Variants in STK17A observed in about 807,000 individuals in gnomAD.
STK17A encodes serine/threonine kinase 17a, also known as serine/threonine-protein kinase 17A.
In STK17A, 26 loss-of-function variants were observed where a neutral mutation model predicts 43.7. The ratio of observed to expected loss-of-function variants is 0.60; its 90% CI spans 0.44 to 0.83. The LOEUF (loss-of-function observed/expected upper bound fraction) is 0.83. STK17A is among the 40% of genes least tolerant of loss of function. The pLI is 0.00. For synonymous variants in STK17A, 191 were observed against 182.5 expected, an observed-to-expected ratio of 1.05 and a Z score of -0.38; for missense variants, 476 against 511.6, an observed-to-expected ratio of 0.93 and a Z score of 0.67.
chr7:43,605,775 A>G (rs1279664307), intron 2 of STK17A, among the ~76,000 whole-genome samples: 2 of 151,990 alleles, frequency 1.3e-5, no homozygotes, highest in Non-Finnish European at 2.9e-5. Context: ...TGTTGTTCTA[A>G]TGCCTGAAAT....
At chr7:43,600,010 C>T (rs2082544822) in intron 2 of STK17A, among the ~76,000 whole-genome samples, 1 of 152,184 alleles carries the variant, frequency 6.6e-6, no homozygotes, top group South Asian at 2.1e-4. Context: ...TGCCTGCCAA[C>T]ACTGAAGGCA....
At chr7:43,619,561 T>C (rs1466252547) in intron 3 of STK17A, 36 bp from the exon 4 acceptor site, 3 of 1,606,048 alleles carry the variant, frequency 1.9e-6, no homozygotes, top group East Asian at 4.5e-5. Context: ...TTAATCATAG[T>C]TATATTGATT....
At position 43,607,662 on chromosome 7, in the gene STK17A, A is replaced by AG. The variant is rs1257221780; in HGVS notation, c.420-594_420-593insG. Among the ~76,000 whole-genome samples, 24 of 151,674 alleles carry AG rather than the reference A, an allele frequency of 1.6e-4. 1 individual carries two copies. The highest frequency in any genetic ancestry group is 4.3e-4 in the African/African-American group (18 of 41,420). The stretch of plus-strand genomic sequence containing the variant: ...GACTCCGTCTCAAAAAAAAAAAAAA[A>AG]AAAAAAAGCAAGAATGGGTAACTTT... On this transcript the variant is annotated intron_variant, in intron 2 of 6. Coordinates refer to ENST00000319357, the MANE Select transcript of STK17A (RefSeq NM_004760.3).
At chr7:43,620,615 A>G (rs1242867783) in intron 4 of STK17A, among the ~76,000 whole-genome samples, 1 of 151,712 alleles carries the variant, frequency 6.6e-6, no homozygotes, top group Non-Finnish European at 1.5e-5. Flanking sequence ...CGGAGCTTGC[A>G]GTGAGCCAAG....
intron 2 of STK17A, among the ~76,000 whole-genome samples, chr7:43,596,433 C>T (rs1444014766): frequency 6.6e-6 from 1 of 152,176 alleles, no homozygotes; most frequent in African/African-American, 2.4e-5. Context: ...ATAATCCTTA[C>T]ATGTTCTTAT....
rs1311991240 is a variant in STK17A at position 43,612,024 on chromosome 7, A to G, written c.564+3624A>G. On this transcript the variant is annotated intron_variant, in intron 3 of 6. Coordinates refer to ENST00000319357, the MANE Select transcript of STK17A (RefSeq NM_004760.3). ...TCTTGAATACCAACTTTAAGTGTGT[A>G]TTTACACAAGGAAATTATATCCCTT... Among the ~76,000 whole-genome samples the G allele has an allele frequency of 2.0e-5, 3 of 152,226 alleles. No homozygotes were observed. The East Asian group carries it at 5.8e-4, about 29-fold the overall frequency.
intron 2 of STK17A, among the ~76,000 whole-genome samples, chr7:43,599,467 A>G (rs1247118488): frequency 6.6e-6 from 1 of 152,238 alleles, no homozygotes; most frequent in Non-Finnish European, 1.5e-5. Flanking sequence ...ACCAATAATA[A>G]TTAGCTTTTA....
At chr7:43,607,492 C>CAAA (rs2082611802) in intron 2 of STK17A, among the ~76,000 whole-genome samples, 1 of 151,102 alleles carries the variant, frequency 6.6e-6, no homozygotes, top group African/African-American at 2.4e-5. Flanking sequence ...TACTAAAATA[C>CAAA]AAAAAAATTA....
chr7:43,624,712 T>G lies in STK17A; in HGVS notation c.1115T>G (p.Val372Gly), dbSNP rs1428129528. The change falls in exon 7 of 7, where the codon GTA becomes GGA. Residue 372 changes from valine (V) to glycine (G), a missense_variant. Coordinates refer to ENST00000319357, the MANE Select transcript of STK17A (RefSeq NM_004760.3). ...KESIVTEELI[V>G]VTSYTLGQCR... ...TCCATTGTAACCGAAGAGTTAATTG[T>G]AGTTACTTCATATACTCTAGGACAA... 1.9e-6 allele frequency: 3 copies of G among 1,613,982 alleles called. No homozygotes were observed. The highest frequency in any genetic ancestry group is 2.5e-6 in the Non-Finnish European group (3 of 1,179,986).
intron 2 of STK17A, among the ~76,000 whole-genome samples, chr7:43,598,482 A>G (rs2082535151): frequency 6.6e-6 from 1 of 151,852 alleles, no homozygotes; most frequent in Non-Finnish European, 1.5e-5. Context: ...AAAAAAAAAA[A>G]AAAAAGGAAA....
At chr7:43,592,861 G>A (rs2082489292) in intron 1 of STK17A, among the ~76,000 whole-genome samples, 1 of 152,094 alleles carries the variant, frequency 6.6e-6, no homozygotes, top group African/African-American at 2.4e-5. Flanking sequence ...ACGAGACTGT[G>A]TCTCAAAAAC....
At chr7:43,601,916 C>T (rs1336290166) in intron 2 of STK17A, among the ~76,000 whole-genome samples, 1 of 152,132 alleles carries the variant, frequency 6.6e-6, no homozygotes, top group Non-Finnish European at 1.5e-5. Context: ...CCCCCACCCC[C>T]TGAGCTAATC....
chr7:43,595,205 G>T (rs2082506445), intron 1 of STK17A, among the ~76,000 whole-genome samples: 1 of 150,848 alleles, frequency 6.6e-6, no homozygotes, highest in Admixed American at 6.6e-5. Flanking sequence ...GAGTCAATTA[G>T]TGCAGTGAAA....
Position 43,583,172 on chromosome 7 carries a change from C to T in STK17A, c.-72C>T, listed in dbSNP as rs952950399. On this transcript the variant is annotated 5_prime_UTR_variant, in exon 1 of 7. Transcript: ENST00000319357. ...GGCTCCGCGGACCGGCACTAGGAGC[C>T]GGGGGCGGGTCCGTGACCCTCCGGC... The T allele has an allele frequency of 1.5e-5, 23 of 1,497,578 alleles. No individual in the cohort carries two copies. The highest frequency in any genetic ancestry group is 2.1e-5 in the Admixed American group (1 of 47,642). The allele number at this position is 1,497,578 out of a possible 1,614,324, so 92.8% of individuals were successfully genotyped here.
rs949845723 is a variant in STK17A at position 43,626,628 on chromosome 7, TTA to T, written c.*1788_*1789del. ...GTTAAACACAGTATTAGGCAAATAT[TTA>T]TCTCTCTGAAAAAATAGGGAGGAGG... On this transcript the variant is annotated 3_prime_UTR_variant, in exon 7 of 7. Transcript: ENST00000319357. The T allele has an allele frequency of 6.6e-6, 1 of 152,128 alleles. No individual in the cohort carries two copies. The highest frequency in any genetic ancestry group is 2.4e-5 in the African/African-American group (1 of 41,418). 9.4% of individuals were successfully genotyped at this position (152,128 alleles called of 1,614,324 possible).
At chr7:43,619,758 C>A (rs2153006314) in intron 4 of STK17A, 35 bp downstream of exon 4, 1 of 1,605,010 alleles carries the variant, frequency 6.2e-7, no homozygotes, top group South Asian at 1.1e-5. Context: ...GTTCTGGGGT[C>A]AGGCATCACC....
chr7:43,624,497 G>T, intron 6 of STK17A, 21 bp from the exon 7 acceptor site: 1 of 1,584,058 alleles, frequency 6.3e-7, no homozygotes, highest in Non-Finnish European at 8.6e-7. Context: ...TGTCTTAACT[G>T]TAAAACATGT....
intron 1 of STK17A, among the ~76,000 whole-genome samples, chr7:43,592,127 A>C (rs2082484061): frequency 6.6e-6 from 1 of 151,644 alleles, no homozygotes; most frequent in Non-Finnish European, 1.5e-5. Context: ...AACTTCAGAC[A>C]TGTAGGTATG....
At chr7:43,589,311 AGTT>A (rs1396440518) in intron 1 of STK17A, among the ~76,000 whole-genome samples, 2 of 151,560 alleles carry the variant, frequency 1.3e-5, no homozygotes, top group Non-Finnish European at 3.0e-5. Flanking sequence ...TAGTACAACA[AGTT>A]GTAATATATA....
Sources: allele counts gnomAD v4.1 joint callset (sites outside exome capture counted in the v4.1 genomes callset), GRCh38; gene constraint gnomAD v4.1.1; transcripts MANE v1.5; gene names NCBI Gene and HGNC (gene_info 2026-07-23, HGNC 2026-07-21).